The following FBP2 variants were observed in gnomAD, a reference collection of about 807,000 sequenced individuals.
The protein encoded by FBP2 is fructose-1,6-bisphosphatase isozyme 2.
FBP2 carries 27 observed loss-of-function variants against 31.6 expected under a neutral mutation model. The ratio of observed to expected loss-of-function variants is 0.85; its 90% CI spans 0.63 to 1.18. FBP2 has a LOEUF of 1.18. Ranked by LOEUF, FBP2 falls within the 50% of genes most tolerant of loss-of-function variation. FBP2 has a pLI of 0.00. For synonymous variants in FBP2, 168 were observed against 179.8 expected (o/e 0.93, Z 0.53); for missense variants, 421 against 436.1 (o/e 0.97, Z 0.31).
At chr9:94,562,275 A>G (rs1018699411) in intron 6 of FBP2, among the ~76,000 whole-genome samples, 1 of 140,652 alleles carries the variant, frequency 7.1e-6, no homozygotes, top group African/African-American at 2.7e-5. Context: ...GTGCCACTGC[A>G]CTCCAGCCTG....
At chr9:94,581,675 A>G (rs898398810) in intron 3 of FBP2, among the ~76,000 whole-genome samples, 3 of 152,338 alleles carry the variant, frequency 2.0e-5, no homozygotes, top group Non-Finnish European at 1.5e-5. Flanking sequence ...CTTGACAAAA[A>G]AGGGAGAATA....
In FBP2 at chr9:94,593,664, C is replaced by T. The variant is rs1827526240; in HGVS notation, c.63G>A (p.Lys21=). ...CCCCAGTCCCTTTGGCCTGACGCCC[C>T]TTTTCCATAACGTAGCGGGTCAGGG... is the stretch of plus-strand genomic sequence containing the variant. The part of the protein sequence containing the change: ...MLTLTRYVME[K]GRQAKGTGEL... Residue 21 remains lysine, a synonymous_variant, in exon 1 of 7, where the codon AAG becomes AAA. Transcript: ENST00000375337. 6.2e-7 allele frequency: 1 copy of T among 1,614,254 alleles called. No homozygotes were observed. The highest frequency in any genetic ancestry group is 1.3e-5 in the African/African-American group (1 of 75,072).
chr9:94,559,184 C>A, intron 6 of FBP2, 52 bp from the exon 7 acceptor site: 1 of 1,520,010 alleles, frequency 6.6e-7, no homozygotes, highest in South Asian at 1.2e-5. Flanking sequence ...CCAAATGTCC[C>A]GAGCCATGCC....
Position 94,584,576 on chromosome 9 carries a change from C to T in FBP2, c.426+1G>A, listed in dbSNP as rs767304395. The T allele has an allele frequency of 3.8e-6, 6 of 1,598,410 alleles. No individual in the cohort carries two copies. The South Asian group carries it at 6.6e-5, about 18-fold the overall frequency. The stretch of plus-strand genomic sequence containing the variant: ...TGTAAAATGTCAGCCTGTCTACTCA[C>T]CTTTCTATAGATGGCAAAGATGGTT... On this transcript the variant is annotated splice_donor_variant, in intron 3 of 6. Coordinates refer to ENST00000375337, the MANE Select transcript of FBP2 (RefSeq NM_003837.4). LOFTEE classifies it high-confidence loss of function.
chr9:94,589,418 C>T (rs1827466061), intron 1 of FBP2, among the ~76,000 whole-genome samples: 1 of 152,202 alleles, frequency 6.6e-6, no homozygotes, highest in South Asian at 2.1e-4. Context: ...CCCCATCATC[C>T]CTCCTCAGTG....
chr9:94,593,498 C>G (rs1216517966), intron 1 of FBP2, 59 bp downstream of exon 1: 2 of 1,516,050 alleles, frequency 1.3e-6, no homozygotes, highest in Admixed American at 4.1e-5. Context: ...CCTGCAGCTC[C>G]CACACCCCTG....
At chr9:94,575,804 G>A (rs1276396112) in intron 3 of FBP2, among the ~76,000 whole-genome samples, 1 of 152,194 alleles carries the variant, frequency 6.6e-6, no homozygotes, top group East Asian at 1.9e-4. Context: ...CTCTGGAAGA[G>A]GAGAATGGTG....
Position 94,584,416 on chromosome 9 carries a change from TGAG to T in FBP2, c.426+158_426+160del, listed in dbSNP as rs146613484. On this transcript the variant is annotated intron_variant, in intron 3 of 6. Coordinates refer to ENST00000375337, the MANE Select transcript of FBP2 (RefSeq NM_003837.4). ...AGAATCGCCAATCCAGTTCTTCTAA[TGAG>T]GAGCCCCAGGCAGAGAAAAGTTGGT... 1.7e-3 allele frequency among the ~76,000 whole-genome samples: 257 copies of T among 152,330 alleles called. 1 individual carries two copies. Among genetic ancestry groups the T allele is most frequent in the Non-Finnish European group, 2.7e-3 (182 of 68,022 alleles).
intron 3 of FBP2, among the ~76,000 whole-genome samples, chr9:94,583,724 T>C (rs1298184055): frequency 2.0e-5 from 3 of 152,188 alleles, no homozygotes; most frequent in African/African-American, 7.2e-5. Context: ...CTCAGCCTCC[T>C]GAGTAGCTGG....
chr9:94,579,120 C>G (rs1203627614), intron 3 of FBP2, among the ~76,000 whole-genome samples: 1 of 136,308 alleles, frequency 7.3e-6, no homozygotes, highest in Non-Finnish European at 1.6e-5. Flanking sequence ...AAAACTTGGC[C>G]AGGCACGGTG....
intron 5 of FBP2, among the ~76,000 whole-genome samples, chr9:94,564,777 A>G (rs1187593626): frequency 6.6e-6 from 1 of 152,210 alleles, no homozygotes; most frequent in Non-Finnish European, 1.5e-5. Context: ...GTTTACTTAT[A>G]TAACAAACCT....
In FBP2 at chr9:94,571,495, T is replaced by C; in HGVS notation, c.534A>G (p.Thr178=). The change falls in exon 4 of 7, where the codon ACA becomes ACG. Residue 178 remains threonine (T), a synonymous_variant. Coordinates refer to ENST00000375337, the MANE Select transcript of FBP2 (RefSeq NM_003837.4). ...GCATGAAGAGGTCCACGCCTTGCCC[T>C]GTGGAGAGAGCCACCAGGGTTGCAC... is the stretch of plus-strand genomic sequence containing the variant. ...YGSATLVALS[T]GQGVDLFMLD... is the part of the protein sequence containing the mutation. The C allele has an allele frequency of 6.2e-7, 1 of 1,613,802 alleles. No individual in the cohort carries two copies.
In FBP2 at chr9:94,563,375, C is replaced by T. The variant is rs776523856; in HGVS notation, c.792G>A (p.Leu264=). The change falls in exon 6 of 7, where the codon CTG becomes CTA. Residue 264 remains leucine, a synonymous_variant. Coordinates refer to ENST00000375337, the MANE Select transcript of FBP2 (RefSeq NM_003837.4). ...TAGGGCTCTTCTGGTTGGCTGGGTA[C>T]AGGAAGATTCCTCCATAGACCAGGG... ...HRTLVYGGIF[L]YPANQKSPKG... 6.2e-6 allele frequency: 10 copies of T among 1,614,006 alleles called. No homozygotes were observed. In the Admixed American group the frequency reaches 1.3e-4, roughly 22 times the overall value.
chr9:94,584,863 G>C (rs1020489605), intron 2 of FBP2, among the ~76,000 whole-genome samples, 194 bp from the exon 3 acceptor site: 4 of 152,170 alleles, frequency 2.6e-5, no homozygotes, highest in Non-Finnish European at 5.9e-5. Context: ...TCTGGGTTTT[G>C]TATCCATCTC....
At chr9:94,590,063 C>T (rs1827474832) in intron 1 of FBP2, among the ~76,000 whole-genome samples, 2 of 152,236 alleles carry the variant, frequency 1.3e-5, no homozygotes, top group Admixed American at 1.3e-4. Context: ...CGCCTAACCC[C>T]ACCCCTCAGC....
At chr9:94,579,115 T>C (rs1447433037) in intron 3 of FBP2, among the ~76,000 whole-genome samples, 1 of 135,212 alleles carries the variant, frequency 7.4e-6, no homozygotes, top group Non-Finnish European at 1.6e-5. Context: ...AAAAAAAAAC[T>C]TGGCCAGGCA....
At position 94,593,732 on chromosome 9, in the gene FBP2, C is replaced by T. The variant is rs1827527669; in HGVS notation, c.-6G>A. The T allele has an allele frequency of 1.9e-6, 3 of 1,613,664 alleles. No individual in the cohort carries two copies. The highest frequency in any genetic ancestry group is 1.7e-6 in the Non-Finnish European group (2 of 1,179,796). On this transcript the variant is annotated 5_prime_UTR_variant, in exon 1 of 7. Transcript: ENST00000375337. ...AAGGGGCTTCTGTCCGTCATTTTGG[C>T]TGGAATGCTTCAAATCCTTTTCTCC...
chr9:94,587,371 T>G lies in FBP2; in HGVS notation c.269A>C (p.Tyr90Ser), dbSNP rs773019339. The change falls in exon 2 of 7, where the codon TAT becomes TCT. Residue 90 changes from tyrosine (Y) to serine (S), a missense_variant. By Grantham distance (144) the Tyr-to-Ser change is moderately radical. Coordinates refer to ENST00000375337, the MANE Select transcript of FBP2 (RefSeq NM_003837.4). Reference sequence around the variant, plus strand: ...TTCTGAGACCAGGACGCAGGTACTATAGGAGGATTGGACCATGTTGATCAC... The same window carrying G: ...TTCTGAGACCAGGACGCAGGTACTAGAGGAGGATTGGACCATGTTGATCAC... ...SLVINMVQSS[Y>S]STCVLVSEEN... The G allele has an allele frequency of 1.2e-6, 2 of 1,613,972 alleles. No individual in the cohort carries two copies. Among genetic ancestry groups the G allele is most frequent in the African/African-American group, 2.7e-5 (2 of 74,920 alleles).
At chr9:94,567,560 A>G in intron 4 of FBP2, 153 bp from the exon 5 acceptor site, 3 of 803,172 alleles carry the variant, frequency 3.7e-6, no homozygotes, top group Non-Finnish European at 5.9e-6. Flanking sequence ...TGGTGTTTTC[A>G]TGAGTGGTGG....
Sources: allele counts gnomAD v4.1 joint callset (sites outside exome capture counted in the v4.1 genomes callset), GRCh38; gene constraint gnomAD v4.1.1; transcripts MANE v1.5; gene names NCBI Gene and HGNC (gene_info 2026-07-23, HGNC 2026-07-21).